ANKRD12: variants seen among roughly 807,000 people sequenced by gnomAD.
ANKRD12 encodes the protein ankyrin repeat domain-containing protein 12.
Under a neutral mutation model 183.4 loss-of-function variants are expected in ANKRD12, and 85 were observed. The ratio of observed to expected loss-of-function variants is 0.46; its 90% CI spans 0.39 to 0.56. ANKRD12 has a LOEUF of 0.56. Among genes scored for constraint, ANKRD12 ranks in the 20% least tolerant of loss-of-function variants. ANKRD12 has a pLI of 0.00. For missense variants in ANKRD12, 2,405 were observed against 2,357.1 expected (o/e 1.02, Z -0.42); for synonymous variants, 914 against 800.2 (o/e 1.14, Z -2.40).
At chr18:9,243,613 G>C (rs2037782966) in intron 8 of ANKRD12, among the ~76,000 whole-genome samples, 2 of 152,076 alleles carry the variant, frequency 1.3e-5, no homozygotes, top group Non-Finnish European at 2.9e-5. Context: ...GGTAATCAGA[G>C]ACCAAGAAAG....
intron 8 of ANKRD12, among the ~76,000 whole-genome samples, chr18:9,247,308 T>C (rs1316013655): frequency 6.8e-6 from 1 of 147,046 alleles, no homozygotes; most frequent in Non-Finnish European, 1.5e-5. Context: ...CAACCTCATC[T>C]CTACCAAAAA....
At chr18:9,141,062 A>G (rs1290971014) in intron 1 of ANKRD12, among the ~76,000 whole-genome samples, 1 of 151,962 alleles carries the variant, frequency 6.6e-6, no homozygotes, top group East Asian at 1.9e-4. Flanking sequence ...AAGAGTTTGA[A>G]GGCGGGGATT....
Position 9,156,137 on chromosome 18 carries a change from C to CAAAAA in ANKRD12, c.-52+19186_-52+19190dup, listed in dbSNP as rs34154495. ...TGGGCAACAGAGTGAGACTCTGTCTCAAAAAAAAAAAAAAAAAAGAAAAAG... is the reference window on the plus strand; with the variant it reads ...TGGGCAACAGAGTGAGACTCTGTCTCAAAAAAAAAAAAAAAAAAAAAAAGAAAAAG... On this transcript the variant is annotated intron_variant, in intron 1 of 12. Transcript: ENST00000262126. 9.2e-4 allele frequency among the ~76,000 whole-genome samples: 96 copies of CAAAAA among 103,892 alleles called. 1 individual carries two copies. The Middle Eastern group carries it at 0.015, about 17-fold the overall frequency. 68.2% of individuals were successfully genotyped at this position (103,892 alleles called of 152,430 possible).
chr18:9,256,215 A>T lies in ANKRD12; in HGVS notation c.2948A>T (p.Lys983Ile), dbSNP rs866965178. ...TNSKHIQEEK[K>I]SSIVDGNKAQ... ...TCCAAACACATACAGGAAGAAAAAA[A>T]ATCAAGTATAGTAGACGGTAATAAA... Residue 983 changes from lysine to isoleucine, a missense_variant, in exon 9 of 13, where the codon AAA becomes ATA. Physicochemically the swap from Lys to Ile is moderately radical, Grantham distance 102. This residue lies in a region of ANKRD12 where 1,983 missense variants were observed against 1,725.9 expected (regional missense o/e 1.15). Transcript: ENST00000262126. The T allele has an allele frequency of 2.1e-5, 33 of 1,578,656 alleles. No homozygotes were observed. Among genetic ancestry groups the T allele is most frequent in the Non-Finnish European group, 2.7e-5 (32 of 1,169,680 alleles).
At chr18:9,151,693 G>A (rs2078690721) in intron 1 of ANKRD12, among the ~76,000 whole-genome samples, 1 of 152,278 alleles carries the variant, frequency 6.6e-6, no homozygotes. Context: ...CGAAGAAAGC[G>A]TTTTTGCCCT....
chr18:9,236,456 A>C (rs1021098708), intron 8 of ANKRD12, among the ~76,000 whole-genome samples: 1 of 152,214 alleles, frequency 6.6e-6, no homozygotes, highest in African/African-American at 2.4e-5. Context: ...ACAGCATAAA[A>C]ATACTTTTCT....
In ANKRD12 at chr18:9,221,147, A is replaced by G. The variant is rs569609684; in HGVS notation, c.796-705A>G. Among the ~76,000 whole-genome samples, 7 of 152,352 alleles carry G rather than the reference A, an allele frequency of 4.6e-5. No individual in the cohort carries two copies. The East Asian group carries it at 1.3e-3, about 29-fold the overall frequency. ...TTGGCTTCTAAAAAGGAGCCAACCA[A>G]AAAGAGGTTAAAACTATGAAAGGAA... is the stretch of plus-strand genomic sequence containing the variant. On this transcript the variant is annotated intron_variant, in intron 7 of 12. Coordinates refer to ENST00000262126, the MANE Select transcript of ANKRD12 (RefSeq NM_015208.5).
At chr18:9,199,104 C>T (rs1254500143) in intron 3 of ANKRD12, among the ~76,000 whole-genome samples, 1 of 151,946 alleles carries the variant, frequency 6.6e-6, no homozygotes, top group African/African-American at 2.4e-5. Context: ...ACCAGATTGG[C>T]CAGCAGAGTG....
At chr18:9,193,652 AT>A (rs1246967314) in intron 2 of ANKRD12, among the ~76,000 whole-genome samples, 2 of 152,028 alleles carry the variant, frequency 1.3e-5, no homozygotes, top group African/African-American at 4.8e-5. Context: ...TTAATTTGTT[AT>A]GCCCCTTTTT....
intron 1 of ANKRD12, among the ~76,000 whole-genome samples, chr18:9,157,604 T>TATATATATATATATATATATA (rs1491418837): frequency 2.2e-5 from 1 of 45,960 alleles, no homozygotes; most frequent in Non-Finnish European, 6.7e-5. Context: ...TATATATGTA[T>TATATATATATATATATATATA]TTTTTTTTTT....
chr18:9,143,548 C>T (rs2078392500), intron 1 of ANKRD12, among the ~76,000 whole-genome samples: 1 of 152,174 alleles, frequency 6.6e-6, no homozygotes, highest in Admixed American at 6.5e-5. Context: ...GCAACCTCCG[C>T]CTCCTGGTTT....
rs547350012 is a variant in ANKRD12 at position 9,221,027 on chromosome 18, T to C, written c.796-825T>C. Among the ~76,000 whole-genome samples the C allele has an allele frequency of 7.9e-5, 12 of 152,278 alleles. No individual in the cohort carries two copies. In the East Asian group the frequency reaches 2.3e-3, roughly 29 times the overall value. ...AGAAAGGTTAGCTAGGGTAGGACGA[T>C]ATAGGTTTCAGCAAAGTTTCCTTGT... On this transcript the variant is annotated intron_variant, in intron 7 of 12. Coordinates refer to ENST00000262126, the MANE Select transcript of ANKRD12 (RefSeq NM_015208.5).
At chr18:9,270,394 A>C (rs2039531064) in intron 10 of ANKRD12, among the ~76,000 whole-genome samples, 1 of 152,252 alleles carries the variant, frequency 6.6e-6, no homozygotes, top group South Asian at 2.1e-4. Flanking sequence ...CTGGATTAAG[A>C]AAATGTGGCA....
chr18:9,164,781 T>G (rs1212418048), intron 1 of ANKRD12, among the ~76,000 whole-genome samples: 1 of 152,222 alleles, frequency 6.6e-6, no homozygotes, highest in African/African-American at 2.4e-5. Flanking sequence ...TCAGTCGTTT[T>G]GCATTTGCTC....
chr18:9,170,709 A>G (rs541848221), intron 1 of ANKRD12, among the ~76,000 whole-genome samples: 21 of 152,190 alleles, frequency 1.4e-4, no homozygotes, highest in African/African-American at 3.9e-4. Flanking sequence ...TCAACTTTTC[A>G]AAGTCATTCT....
chr18:9,148,789 C>G (rs561003550), intron 1 of ANKRD12, among the ~76,000 whole-genome samples: 2 of 152,264 alleles, frequency 1.3e-5, no homozygotes, highest in South Asian at 4.1e-4. Context: ...ACCAAGGGCA[C>G]CTTTCTGAAC....
intron 1 of ANKRD12, among the ~76,000 whole-genome samples, chr18:9,167,010 A>G (rs1279764618): frequency 6.6e-6 from 1 of 152,164 alleles, no homozygotes; most frequent in Non-Finnish European, 1.5e-5. Context: ...CAGGTTTGTC[A>G]AAGATCAGAT....
chr18:9,195,761 T>G, intron 3 of ANKRD12, 63 bp downstream of exon 3: 1 of 1,487,596 alleles, frequency 6.7e-7, no homozygotes, highest in Middle Eastern at 1.8e-4. Context: ...TTTTTGTTTC[T>G]TGTACACCAC....
chr18:9,205,297 AT>A (rs1289983050), intron 4 of ANKRD12, among the ~76,000 whole-genome samples: 111 of 146,922 alleles, frequency 7.6e-4, no homozygotes, highest in Non-Finnish European at 8.3e-4. Flanking sequence ...TAACATTGTT[AT>A]CTCTGAGCTT....
Sources: allele counts gnomAD v4.1 joint callset (sites outside exome capture counted in the v4.1 genomes callset), GRCh38; gene constraint gnomAD v4.1.1; regional missense constraint gnomAD v4.1.1; transcripts MANE v1.5; gene names NCBI Gene and HGNC (gene_info 2026-07-23, HGNC 2026-07-21).